ERAP1: variants seen among roughly 807,000 people sequenced by gnomAD.
ERAP1 encodes adipocyte-derived leucine aminopeptidase.
A neutral mutation model predicts 103.7 loss-of-function variants in ERAP1; 86 were observed. The ratio of observed to expected loss-of-function variants is 0.83; its 90% CI spans 0.70 to 0.99. The LOEUF (loss-of-function observed/expected upper bound fraction) is 0.99. Ranked by LOEUF, ERAP1 falls within the 50% of genes least tolerant of loss-of-function variation. ERAP1 has a pLI of 0.00. For synonymous variants in ERAP1, 398 were observed against 402.4 expected (o/e 0.99, Z 0.13); for missense variants, 1,009 against 1,128.4 (o/e 0.89, Z 1.52).
At chr5:96,880,495 T>G in the ERAP1 span, among the ~76,000 whole-genome samples, 1 of 152,190 alleles carries the variant, frequency 6.6e-6, no homozygotes, top group African/African-American at 2.4e-5. Context: ...GGCCAGTATA[T>G]GACTGATATG....
the ERAP1 span, among the ~76,000 whole-genome samples, chr5:96,862,192 A>G: frequency 6.6e-6 from 1 of 151,964 alleles, no homozygotes; most frequent in African/African-American, 2.4e-5. Flanking sequence ...GGATCTTCCT[A>G]TGTTGTCCAA....
intron 3 of ERAP1, among the ~76,000 whole-genome samples, chr5:96,797,961 G>A (rs1000618353): frequency 6.6e-6 from 1 of 152,122 alleles, no homozygotes; most frequent in Non-Finnish European, 1.5e-5. Flanking sequence ...TCGAGCTGTT[G>A]AGCATATACG....
the ERAP1 span, among the ~76,000 whole-genome samples, chr5:96,837,215 A>G: frequency 6.6e-6 from 1 of 152,252 alleles, no homozygotes; most frequent in East Asian, 1.9e-4. Context: ...TATTTATGAT[A>G]TGCCAGGAAT....
the ERAP1 span, chr5:96,895,256 A>T: frequency 6.2e-7 from 1 of 1,607,760 alleles, no homozygotes; most frequent in African/African-American, 1.3e-5. Flanking sequence ...TGGTTTGGCA[A>T]CCTGGTCACA....
chr5:96,929,918 T>C, the ERAP1 span, among the ~76,000 whole-genome samples: 1 of 152,202 alleles, frequency 6.6e-6, no homozygotes, highest in Admixed American at 6.5e-5. Flanking sequence ...TAACCTTTAG[T>C]GGACATTTAG....
rs144126367 is a variant in ERAP1 at position 96,775,797 on chromosome 5, C to T, written c.*599G>A. 78 of 272,688 alleles carry T rather than the reference C, an allele frequency of 2.9e-4. No homozygotes were observed. The highest frequency in any genetic ancestry group is 1.7e-3 in the African/African-American group (75 of 43,738). 16.9% of individuals were successfully genotyped at this position (272,688 alleles called of 1,614,324 possible). ...CCCGCAAGGGAATCAGGGAAGAACACCTCCACCTACTACCTCCTCCGACCC... is the reference window on the plus strand; with the variant it reads ...CCCGCAAGGGAATCAGGGAAGAACATCTCCACCTACTACCTCCTCCGACCC... On this transcript the variant is annotated 3_prime_UTR_variant, in exon 19 of 19. Transcript: ENST00000443439.
the ERAP1 span, chr5:96,917,570 C>A: frequency 6.2e-7 from 1 of 1,613,774 alleles, no homozygotes; most frequent in Non-Finnish European, 8.5e-7. Flanking sequence ...GAAGAATCTT[C>A]CGACTCTGAG....
Position 96,793,469 on chromosome 5 carries a change from C to G in ERAP1, c.1119G>C (p.Trp373Cys), listed in dbSNP as rs756107142. ...LVTMEWWNDLWLNEGFAKFME... is the reference protein window; with the variant it reads ...LVTMEWWNDLCLNEGFAKFME... ...TAAATTTGGCAAATCCTTCATTTAGCCAAAGATCATTCCACCATTCCATAG... is the reference window on the plus strand; with the variant it reads ...TAAATTTGGCAAATCCTTCATTTAGGCAAAGATCATTCCACCATTCCATAG... The change falls in exon 7 of 19, where the codon TGG (tryptophan) becomes TGC (cysteine). Residue 373 changes from tryptophan (W) to cysteine (C), a missense_variant. Trp to Cys is a radical substitution (Grantham distance 215, BLOSUM62 -2). Coordinates refer to ENST00000443439, the MANE Select transcript of ERAP1 (RefSeq NM_001040458.3). The G allele has an allele frequency of 1.2e-6, 2 of 1,613,780 alleles. No individual in the cohort carries two copies. Among genetic ancestry groups the G allele is most frequent in the African/African-American group, 2.7e-5 (2 of 74,904 alleles).
chr5:96,776,832 G>C (rs1171537940), intron 18 of ERAP1: 1 of 413,874 alleles, frequency 2.4e-6, no homozygotes, highest in East Asian at 5.0e-5. Flanking sequence ...GTTTAATTGT[G>C]TCTATTTAAT....
chr5:96,935,832 G>C, the ERAP1 span: 4 of 356,946 alleles, frequency 1.1e-5, no homozygotes, highest in Non-Finnish European at 1.5e-5. Context: ...TTCCCGGCCG[G>C]GGAGAGCGCC....
At chr5:96,924,691 G>C in the ERAP1 span, among the ~76,000 whole-genome samples, 1 of 151,130 alleles carries the variant, frequency 6.6e-6, no homozygotes, top group Non-Finnish European at 1.5e-5. Flanking sequence ...TCCACCTCCC[G>C]GGTTCAGGTG....
the ERAP1 span, among the ~76,000 whole-genome samples, chr5:96,839,629 G>A: frequency 6.6e-6 from 1 of 152,062 alleles, no homozygotes. Flanking sequence ...ACAGGGCCCC[G>A]CATGATCATT....
the ERAP1 span, among the ~76,000 whole-genome samples, chr5:96,844,593 G>A: frequency 4.6e-5 from 7 of 152,192 alleles, no homozygotes; most frequent in Non-Finnish European, 1.0e-4. Context: ...TAATTTACAA[G>A]TCCTGAGAGA....
exon 20 of ERAP1, chr5:96,762,280 G>A (rs1325643246): frequency 3.1e-5 from 50 of 1,601,638 alleles, no homozygotes; most frequent in Non-Finnish European, 4.3e-5. Context: ...AAAGAAATTT[G>A]AAGATGCTAA....
chr5:96,763,707 C>A (rs1011790683), intron 19 of ERAP1, among the ~76,000 whole-genome samples: 1 of 152,076 alleles, frequency 6.6e-6, no homozygotes, highest in Non-Finnish European at 1.5e-5. Flanking sequence ...TGATAATTCA[C>A]GGGAGCTTTC....
intron 7 of ERAP1, among the ~76,000 whole-genome samples, chr5:96,792,450 T>C (rs1392876727): frequency 6.6e-6 from 1 of 152,200 alleles, no homozygotes; most frequent in Non-Finnish European, 1.5e-5. Context: ...CGTATTAATC[T>C]AAAAACGAAA....
chr5:96,822,572 G>A, the ERAP1 span, among the ~76,000 whole-genome samples: 1 of 152,138 alleles, frequency 6.6e-6, no homozygotes, highest in African/African-American at 2.4e-5. Context: ...GGGATGCCGA[G>A]GTAGCCTGTA....
exon 20 of ERAP1, chr5:96,762,351 A>G: frequency 6.2e-7 from 1 of 1,601,832 alleles, no homozygotes; most frequent in Admixed American, 1.8e-5. Flanking sequence ...CCCAAGCTGG[A>G]GCCCCACCCC....
chr5:96,856,668 G>T, the ERAP1 span, among the ~76,000 whole-genome samples: 1 of 151,962 alleles, frequency 6.6e-6, no homozygotes, highest in Non-Finnish European at 1.5e-5. Flanking sequence ...CCCATTAACT[G>T]GCCTTTGGCC....
Sources: allele counts gnomAD v4.1 joint callset (sites outside exome capture counted in the v4.1 genomes callset), GRCh38; gene constraint gnomAD v4.1.1; transcripts MANE v1.5; gene names NCBI Gene and HGNC (gene_info 2026-07-23, HGNC 2026-07-21).